The following SLIT2 variants were observed in gnomAD, a reference collection of about 807,000 sequenced individuals.
The protein encoded by SLIT2 is slit homolog 2 protein.
SLIT2 carries 41 observed loss-of-function variants against 185.7 expected under a neutral mutation model. The ratio of observed to expected loss-of-function variants is 0.22; its 90% CI spans 0.17 to 0.29. The LOEUF (loss-of-function observed/expected upper bound fraction) is 0.29. Among genes scored for constraint, SLIT2 ranks in the 10% least tolerant of loss-of-function variants. SLIT2 has a pLI of 1.00. For missense variants in SLIT2, 1,571 were observed against 1,909.0 expected (o/e 0.82, Z 3.30); for synonymous variants, 693 against 680.2 (o/e 1.02, Z -0.29).
intron 4 of SLIT2, among the ~76,000 whole-genome samples, chr4:20,383,230 A>G (rs536321835): frequency 6.6e-6 from 1 of 152,276 alleles, no homozygotes; most frequent in East Asian, 1.9e-4. Context: ...TAGAACACAG[A>G]AAGCAGAAAC....
In SLIT2 at chr4:20,518,691, G is replaced by A. The variant is rs1296616695; in HGVS notation, c.1059-691G>A. ...GCGATCTCGGCTCACTGCAAGCTCC[G>A]CCTCCCGGGTTCACGCCATTCTCCT... On this transcript the variant is annotated intron_variant, in intron 11 of 36. Transcript: ENST00000504154. 9.9e-5 allele frequency among the ~76,000 whole-genome samples: 11 copies of A among 111,568 alleles called. No individual in the cohort carries two copies. The East Asian group carries it at 1.8e-3, about 19-fold the overall frequency. 73.2% of individuals were successfully genotyped at this position (111,568 alleles called of 152,430 possible).
intron 4 of SLIT2, among the ~76,000 whole-genome samples, chr4:20,370,983 T>C (rs920131654): frequency 6.6e-6 from 1 of 152,108 alleles, no homozygotes; most frequent in African/African-American, 2.4e-5. Context: ...GAATTGATCA[T>C]CGTATCCCCT....
chr4:20,415,747 G>A (rs528440483), intron 4 of SLIT2, among the ~76,000 whole-genome samples: 3 of 152,322 alleles, frequency 2.0e-5, no homozygotes, highest in African/African-American at 4.8e-5. Flanking sequence ...GAGCATGAAA[G>A]CTTGAACCTT....
intron 9 of SLIT2, among the ~76,000 whole-genome samples, chr4:20,502,777 AG>A (rs1325578917): frequency 1.3e-5 from 2 of 152,232 alleles, no homozygotes; most frequent in Non-Finnish European, 2.9e-5. Context: ...ATAGAATATG[AG>A]GGAAATTTTC....
At chr4:20,614,629 A>C (rs1729503357) in intron 34 of SLIT2, among the ~76,000 whole-genome samples, 1 of 151,334 alleles carries the variant, frequency 6.6e-6, no homozygotes, top group Admixed American at 6.6e-5. Context: ...ATTACAAAAT[A>C]AGCCAGGCGT....
At chr4:20,595,917 A>T in intron 31 of SLIT2, 83 bp downstream of exon 31, 1 of 1,192,440 alleles carries the variant, frequency 8.4e-7, no homozygotes, top group Non-Finnish European at 1.2e-6. Flanking sequence ...GTGTAATCGT[A>T]CATTTTAAAA....
chr4:20,467,664 G>A lies in SLIT2; in HGVS notation c.396-88G>A, dbSNP rs542963086. 3.8e-4 allele frequency: 260 copies of A among 690,220 alleles called. 1 individual carries two copies. Among genetic ancestry groups the A allele is most frequent in the Non-Finnish European group, 5.3e-4 (225 of 421,584 alleles). The allele number at this position is 690,220 out of a possible 1,614,324, so 42.8% of individuals were successfully genotyped here. ...TTTAGGGTTTTCTTTTTTCTTTCTG[G>A]TGTCCTATAACTTCTCAAACATTTG... On this transcript the variant is annotated intron_variant, in intron 4 of 36. Transcript: ENST00000504154.
chr4:20,378,415 T>G (rs920699367), intron 4 of SLIT2, among the ~76,000 whole-genome samples: 5 of 152,176 alleles, frequency 3.3e-5, no homozygotes, highest in African/African-American at 1.2e-4. Context: ...ATTTATCCTT[T>G]TGATACACAA....
chr4:20,452,351 ACTT>A (rs1454928676), intron 4 of SLIT2, among the ~76,000 whole-genome samples: 2 of 152,328 alleles, frequency 1.3e-5, no homozygotes, highest in South Asian at 2.1e-4. Context: ...AGAATCGATT[ACTT>A]CTTCTTAGTG....
intron 4 of SLIT2, among the ~76,000 whole-genome samples, chr4:20,368,219 C>CAAAAAAAAAAAAAAAAAAAA (rs71653879): frequency 7.2e-4 from 77 of 107,206 alleles, no homozygotes; most frequent in Non-Finnish European, 8.7e-4. Flanking sequence ...CACAAAATAG[C>CAAAAAAAAAAAAAAAAAAAA]AAAAAAAAAA....
intron 4 of SLIT2, among the ~76,000 whole-genome samples, chr4:20,339,271 G>A (rs141868041): frequency 4.5e-4 from 68 of 151,572 alleles, no homozygotes; most frequent in African/African-American, 1.6e-3. Context: ...TTTGGATAAG[G>A]GAGTGGAGGA....
intron 26 of SLIT2, 66 bp from the exon 27 acceptor site, chr4:20,567,196 G>C (rs1009911802): frequency 1.5e-6 from 2 of 1,318,928 alleles, no homozygotes; most frequent in African/African-American, 3.0e-5. Context: ...TTACATTAAG[G>C]CATACAAGTA....
At chr4:20,325,440 T>TAAA (rs557494207) in intron 4 of SLIT2, among the ~76,000 whole-genome samples, 33 of 122,568 alleles carry the variant, frequency 2.7e-4, no homozygotes, top group African/African-American at 9.9e-4. Context: ...GGAATAATCT[T>TAAA]AAAAAAAAAA....
At chr4:20,281,937 G>C (rs1245581274) in intron 4 of SLIT2, among the ~76,000 whole-genome samples, 1 of 152,176 alleles carries the variant, frequency 6.6e-6, no homozygotes, top group African/African-American at 2.4e-5. Flanking sequence ...GGTTGGAAAA[G>C]AATTTTTCCT....
At chr4:20,273,195 ATT>A (rs57107396) in intron 4 of SLIT2, among the ~76,000 whole-genome samples, 3 of 151,064 alleles carry the variant, frequency 2.0e-5, no homozygotes, top group Non-Finnish European at 1.5e-5. Flanking sequence ...AAGGAGACTT[ATT>A]TTTTTTTAAT....
intron 4 of SLIT2, among the ~76,000 whole-genome samples, chr4:20,459,671 T>C (rs1162320757): frequency 6.6e-6 from 1 of 152,136 alleles, no homozygotes; most frequent in Non-Finnish European, 1.5e-5. Flanking sequence ...TATAAAACAT[T>C]GCCATTCTCC....
At position 20,254,389 on chromosome 4, in the gene SLIT2, G is replaced by A. The variant is rs1265573294; in HGVS notation, c.179+395G>A. Among the ~76,000 whole-genome samples, 1 of 152,200 alleles carries A rather than the reference G, an allele frequency of 6.6e-6. No homozygotes were observed. Among genetic ancestry groups the A allele is most frequent in the Non-Finnish European group, 1.5e-5 (1 of 68,036 alleles). ...ATTGCCAGCATCCAGGTCGGTTTCA[G>A]AGCCCAGTCCTCGCTCTTGTCGCAG... On this transcript the variant is annotated intron_variant, in intron 1 of 36. Coordinates refer to ENST00000504154, the MANE Select transcript of SLIT2 (RefSeq NM_004787.4). The surrounding 1 kb of genome is among the most constrained non-coding windows in gnomAD (Gnocchi z 5.1).
rs184561495 is a variant in SLIT2, at chr4:20,594,179, A to G, written c.3183-1518A>G. ...TATGTATGTGTGTATATATGTATGT[A>G]CATGTGTGTATATACATATGTATGT... On this transcript the variant is annotated intron_variant, in intron 30 of 36. Transcript: ENST00000504154. Among the ~76,000 whole-genome samples, 1,269 of 149,940 alleles carry G rather than the reference A, an allele frequency of 8.5e-3. 16 individuals are homozygous for G. The highest frequency in any genetic ancestry group is 0.021 in the Middle Eastern group (6 of 282).
At chr4:20,559,027 A>T (rs1724483991) in intron 26 of SLIT2, among the ~76,000 whole-genome samples, 1 of 151,928 alleles carries the variant, frequency 6.6e-6, no homozygotes, top group Non-Finnish European at 1.5e-5. Context: ...AGGGCTGTGA[A>T]AGATGTAATG....
Sources: allele counts gnomAD v4.1 joint callset (sites outside exome capture counted in the v4.1 genomes callset), GRCh38; gene constraint gnomAD v4.1.1; non-coding constraint Gnocchi (gnomAD v3.1); transcripts MANE v1.5; gene names NCBI Gene and HGNC (gene_info 2026-07-23, HGNC 2026-07-21).